Variants in PNLIP observed in about 807,000 individuals in gnomAD.
The protein encoded by PNLIP is pancreatic triacylglycerol lipase.
PNLIP carries 49 observed loss-of-function variants against 57.1 expected under a neutral mutation model. The observed-to-expected ratio is 0.86, with a 90% CI of 0.68 to 1.09. The LOEUF (loss-of-function observed/expected upper bound fraction) is 1.09, where lower values mean the gene tolerates loss of function less well. Ranked by LOEUF, PNLIP falls within the 50% of genes least tolerant of loss-of-function variation. The pLI, the probability that PNLIP is intolerant of heterozygous loss-of-function variation, is 0.00. For synonymous variants in PNLIP, 209 were observed against 200.4 expected (o/e 1.04, Z -0.36); for missense variants, 503 against 570.2 (o/e 0.88, Z 1.20).
chr10:116,562,689 A>C (rs988631977), intron 12 of PNLIP, among the ~76,000 whole-genome samples: 2 of 152,338 alleles, frequency 1.3e-5, no homozygotes, highest in African/African-American at 4.8e-5. Context: ...AGAACAAACC[A>C]GCTGGAGGTC....
chr10:116,563,427 A>G (rs1847334683), intron 12 of PNLIP, among the ~76,000 whole-genome samples: 1 of 152,078 alleles, frequency 6.6e-6, no homozygotes, highest in African/African-American at 2.4e-5. Flanking sequence ...ATTGGGGTAC[A>G]GGTGGTATTT....
chr10:116,546,065 A>G, intron 1 of PNLIP, 28 bp from the exon 2 acceptor site: 1 of 1,610,152 alleles, frequency 6.2e-7, no homozygotes, highest in Non-Finnish European at 8.5e-7. Flanking sequence ...ACTTAGCCAG[A>G]CTCAATCATG....
chr10:116,566,731 A>G (rs1462498317), intron 12 of PNLIP, among the ~76,000 whole-genome samples: 1 of 152,108 alleles, frequency 6.6e-6, no homozygotes, highest in African/African-American at 2.4e-5. Flanking sequence ...AATTCAGTTC[A>G]CCTTTAATCA....
intron 12 of PNLIP, among the ~76,000 whole-genome samples, chr10:116,566,844 G>A (rs145840497): frequency 7.1e-4 from 108 of 152,134 alleles, no homozygotes; most frequent in African/African-American, 1.3e-3. Context: ...GGAAGTGAGC[G>A]TGAAGGGAAA....
At chr10:116,550,098 C>A (rs1357902298) in intron 4 of PNLIP, among the ~76,000 whole-genome samples, 5 of 143,866 alleles carry the variant, frequency 3.5e-5, no homozygotes, top group African/African-American at 1.0e-4. Context: ...TTGCTCTGTC[C>A]CCCCGGCTAG....
Position 116,559,240 on chromosome 10 carries a change from C to T in PNLIP, c.1017C>T (p.Gly339=). 1 of 1,613,926 alleles carries T rather than the reference C, an allele frequency of 6.2e-7. No individual in the cohort carries two copies. The highest frequency in any genetic ancestry group is 8.5e-7 in the Non-Finnish European group (1 of 1,179,870). Residue 339 remains glycine (G), a synonymous_variant, in exon 10 of 13, where the codon GGC becomes GGT. Transcript: ENST00000369221. ...DRYPGKTNDV[G]QKFYLDTGDA... ...ATCCTGGGAAAACAAATGATGTGGGCCAGAAATTTTATCTAGACACTGGTG... is the reference window on the plus strand; with the variant it reads ...ATCCTGGGAAAACAAATGATGTGGGTCAGAAATTTTATCTAGACACTGGTG...
At chr10:116,546,224 G>T in intron 2 of PNLIP, 86 bp downstream of exon 2, 1 of 1,103,372 alleles carries the variant, frequency 9.1e-7, no homozygotes, top group Non-Finnish European at 1.4e-6. Context: ...TCAGGCCGCA[G>T]TAATAACATG....
intron 12 of PNLIP, among the ~76,000 whole-genome samples, chr10:116,567,158 TTTTC>T (rs796812637): frequency 0.012 from 1,739 of 150,742 alleles, 19 homozygotes; most frequent in Middle Eastern, 0.028. Flanking sequence ...TCTTTCTTTC[TTTTC>T]TTTCTTTCTC....
chr10:116,553,747 T>G lies in PNLIP; in HGVS notation c.480T>G (p.Pro160=). The G allele has an allele frequency of 6.2e-7, 1 of 1,612,448 alleles. No homozygotes were observed. The highest frequency in any genetic ancestry group is 8.5e-7 in the Non-Finnish European group (1 of 1,178,638). Residue 160 remains proline (P), a synonymous_variant, in exon 6 of 13, where the codon CCT becomes CCG. Transcript: ENST00000369221. ...GACAGTCGGCGTTCGGTTACTCACC[T>G]TCCAATGTGCATGTCATTGGCCACA... ...EFLQSAFGYS[P]SNVHVIGHSL...
chr10:116,552,455 C>T (rs949133737), intron 5 of PNLIP, among the ~76,000 whole-genome samples: 4 of 151,458 alleles, frequency 2.6e-5, no homozygotes, highest in Non-Finnish European at 4.4e-5. Context: ...TAGTTTTTAA[C>T]AAAAAATTTT....
chr10:116,550,598 A>G (rs918036563), intron 4 of PNLIP, among the ~76,000 whole-genome samples: 3 of 152,176 alleles, frequency 2.0e-5, no homozygotes, highest in Non-Finnish European at 4.4e-5. Flanking sequence ...AAACTTATTT[A>G]CCTTCAATGT....
At chr10:116,561,868 G>A (rs147856233) in intron 12 of PNLIP, among the ~76,000 whole-genome samples, 106 of 152,286 alleles carry the variant, frequency 7.0e-4, no homozygotes, top group African/African-American at 2.4e-3. Flanking sequence ...ATGTTAGAAT[G>A]AGAAACCGGC....
At position 116,547,501 on chromosome 10, in the gene PNLIP, C is replaced by T. The variant is rs113243717; in HGVS notation, c.201+53C>T. The stretch of plus-strand genomic sequence containing the variant: ...AAGTTCTTTGGGAGGCCGAGGCGGG[C>T]GGTTCACGAGGTCAGGAGATCGAGA... On this transcript the variant is annotated intron_variant, in intron 3 of 12. Transcript: ENST00000369221. The T allele has an allele frequency of 2.1e-4, 313 of 1,497,954 alleles. No homozygotes were observed. In the African/African-American group the frequency reaches 3.1e-3, roughly 15 times the overall value. 92.8% of individuals were successfully genotyped at this position (1,497,954 alleles called of 1,614,324 possible). A position where few individuals can be genotyped will look rare whatever the true frequency, so the allele number is the denominator to read the frequency against.
intron 9 of PNLIP, among the ~76,000 whole-genome samples, chr10:116,557,743 T>C (rs542913369): frequency 3.2e-4 from 48 of 152,272 alleles, no homozygotes; most frequent in Admixed American, 2.4e-3. Context: ...ACAGTGGGAA[T>C]TGGGACACTT....
chr10:116,555,549 G>C, intron 8 of PNLIP, 42 bp downstream of exon 8: 6 of 1,597,036 alleles, frequency 3.8e-6, no homozygotes, highest in Non-Finnish European at 5.1e-6. Flanking sequence ...TTGGGAGAAA[G>C]CTTGTGTTTT....
At chr10:116,563,711 A>G (rs1041484493) in intron 12 of PNLIP, among the ~76,000 whole-genome samples, 2 of 152,118 alleles carry the variant, frequency 1.3e-5, no homozygotes, top group Admixed American at 1.3e-4. Context: ...AGGATGCTCA[A>G]CCTATATAGA....
chr10:116,549,879 T>C (rs1847171932), intron 4 of PNLIP, among the ~76,000 whole-genome samples: 1 of 152,102 alleles, frequency 6.6e-6, no homozygotes, highest in African/African-American at 2.4e-5. Flanking sequence ...AACTATTGCT[T>C]TGAGACGCAG....
chr10:116,554,713 G>A (rs941488689), intron 6 of PNLIP, among the ~76,000 whole-genome samples: 9 of 151,658 alleles, frequency 5.9e-5, no homozygotes, highest in African/African-American at 2.2e-4. Context: ...CTGCCTATCC[G>A]TTCATTTGCT....
intron 2 of PNLIP, 122 bp downstream of exon 2, chr10:116,546,260 C>A: frequency 2.5e-6 from 2 of 809,648 alleles, no homozygotes; most frequent in Non-Finnish European, 2.1e-6. Flanking sequence ...GAGTAAAGCA[C>A]AGGAGACGCA....
Sources: gnomAD v4.1 joint callset for allele counts (sites outside exome capture counted in the v4.1 genomes callset) on GRCh38, gnomAD v4.1.1 for gene constraint, MANE v1.5 for transcripts, NCBI Gene and HGNC (gene_info 2026-07-23, HGNC 2026-07-21) for gene names.